PCDHGB4: variants seen among roughly 807,000 people sequenced by gnomAD.
PCDHGB4 encodes protocadherin gamma subfamily B, 4.
PCDHGB4 carries 38 observed loss-of-function variants against 60.5 expected under a neutral mutation model. That is an observed-to-expected ratio of 0.63 (90% confidence interval 0.48 to 0.82). PCDHGB4 has a LOEUF of 0.82. Among genes scored for constraint, PCDHGB4 ranks in the 40% least tolerant of loss-of-function variants. The pLI is 0.00. For synonymous variants in PCDHGB4, 456 were observed against 509.7 expected (o/e 0.89, Z 1.42); for missense variants, 1,109 against 1,209.6 (o/e 0.92, Z 1.23).
intron 1 of PCDHGB4, among the ~76,000 whole-genome samples, chr5:141,460,445 G>A (rs896549154): frequency 7.2e-5 from 11 of 152,144 alleles, no homozygotes; most frequent in Admixed American, 5.9e-4. Flanking sequence ...AGGTAACAAT[G>A]AAGATTCATA....
At chr5:141,508,823 G>A (rs1445894402) in intron 3 of PCDHGB4, among the ~76,000 whole-genome samples, 1 of 151,966 alleles carries the variant, frequency 6.6e-6, no homozygotes, top group Admixed American at 6.6e-5. Flanking sequence ...GCCAGATCTG[G>A]GCCCCCCTCC....
At chr5:141,509,692 C>T (rs755446680) in intron 3 of PCDHGB4, among the ~76,000 whole-genome samples, 8 of 152,126 alleles carry the variant, frequency 5.3e-5, no homozygotes, top group Non-Finnish European at 1.0e-4. Context: ...TACAGTGGGA[C>T]GTTGGACTGG....
At chr5:141,429,599 A>G (rs2097227286) in intron 1 of PCDHGB4, among the ~76,000 whole-genome samples, 1 of 152,238 alleles carries the variant, frequency 6.6e-6, no homozygotes, top group Non-Finnish European at 1.5e-5. Flanking sequence ...TAATTCAAGT[A>G]AACTCAATTT....
chr5:141,435,934 T>A (rs1311888999), intron 1 of PCDHGB4, among the ~76,000 whole-genome samples: 2 of 152,160 alleles, frequency 1.3e-5, no homozygotes, highest in Non-Finnish European at 2.9e-5. Flanking sequence ...CAGTTGCTGC[T>A]TCTGAGACCA....
chr5:141,400,645 G>T, intron 1 of PCDHGB4: 1 of 1,239,756 alleles, frequency 8.1e-7, no homozygotes, highest in Non-Finnish European at 1.2e-6. Context: ...TGCTCAGAAA[G>T]CTGTCCTACC....
Position 141,418,262 on chromosome 5 carries a change from A to G in PCDHGB4, c.2397+27981A>G. On this transcript the variant is annotated intron_variant, in intron 1 of 3. Transcript: ENST00000519479. Reference sequence around the variant, plus strand: ...TAATGACCACGCCCCTCAATTCCGGAAAGATGAAATAAACTTAGAAATCAG... The same window carrying G: ...TAATGACCACGCCCCTCAATTCCGGGAAGATGAAATAAACTTAGAAATCAG... 2 of 1,614,068 alleles carry G rather than the reference A, an allele frequency of 1.2e-6. No homozygotes were observed. The highest frequency in any genetic ancestry group is 1.7e-6 in the Non-Finnish European group (2 of 1,179,902).
chr5:141,431,995 G>A lies in PCDHGB4; in HGVS notation c.2397+41714G>A. 6.2e-7 allele frequency: 1 copy of A among 1,614,048 alleles called. No individual in the cohort carries two copies. Among genetic ancestry groups the A allele is most frequent in the East Asian group, 2.2e-5 (1 of 44,898 alleles). The stretch of plus-strand genomic sequence containing the variant: ...TAGTCACAGACATAGTCTTGGATAG[G>A]GAACAGGTTCCTAGCTACAACATCA... On this transcript the variant is annotated intron_variant, in intron 1 of 3. Coordinates refer to ENST00000519479, the MANE Select transcript of PCDHGB4 (RefSeq NM_003736.4). This position sits in a 1 kb window ranked among gnomAD's most constrained non-coding sequence, Gnocchi z 4.8.
intron 2 of PCDHGB4, among the ~76,000 whole-genome samples, chr5:141,503,598 C>CA (rs765754054): frequency 0.15 from 9,705 of 65,252 alleles, 922 homozygotes; most frequent in African/African-American, 0.34. Context: ...GACTCCAGCT[C>CA]AAAAAAAAAA....
At chr5:141,443,090 C>T (rs1403922939) in intron 1 of PCDHGB4, among the ~76,000 whole-genome samples, 3 of 151,926 alleles carry the variant, frequency 2.0e-5, no homozygotes, top group Non-Finnish European at 2.9e-5. Context: ...TTCCAGTCTC[C>T]TTCTCAAGCT....
chr5:141,390,532 T>A, intron 1 of PCDHGB4: 1 of 531,632 alleles, frequency 1.9e-6, no homozygotes, highest in Non-Finnish European at 3.3e-6. Flanking sequence ...GGTGTGGTTT[T>A]AACCACAAAG....
At chr5:141,415,392 G>T in intron 1 of PCDHGB4, 1 of 1,614,238 alleles carries the variant, frequency 6.2e-7, no homozygotes, top group Non-Finnish European at 8.5e-7. Context: ...TGACAGGTGT[G>T]TCCGGCTCGC....
At position 141,486,426 on chromosome 5, in the gene PCDHGB4, A is replaced by T; in HGVS notation, c.2398-8381A>T. 6.2e-7 allele frequency: 1 copy of T among 1,614,190 alleles called. No homozygotes were observed. The highest frequency in any genetic ancestry group is 8.5e-7 in the Non-Finnish European group (1 of 1,180,026). ...GCTGGACCCTTGGATCGAGAGGCCA[A>T]ATCTAGCTATGACATCATGGTCACT... On this transcript the variant is annotated intron_variant, in intron 1 of 3. Coordinates refer to ENST00000519479, the MANE Select transcript of PCDHGB4 (RefSeq NM_003736.4). This position sits in a 1 kb window ranked among gnomAD's most constrained non-coding sequence, Gnocchi z 5.0.
intron 1 of PCDHGB4, chr5:141,423,426 G>A: frequency 6.2e-7 from 1 of 1,614,028 alleles, no homozygotes; most frequent in Non-Finnish European, 8.5e-7. Context: ...AAGGCGGGTT[G>A]GCAGGTATGC....
intron 1 of PCDHGB4, among the ~76,000 whole-genome samples, chr5:141,407,130 T>C (rs1218017139): frequency 1.3e-5 from 2 of 152,230 alleles, no homozygotes; most frequent in Non-Finnish European, 2.9e-5. Flanking sequence ...TTGCTTTATT[T>C]TTAAGAAAAA....
In PCDHGB4 at chr5:141,439,058, TGGCA is replaced by T. The variant is rs1241503235; in HGVS notation, c.2397+48781_2397+48784del. On this transcript the variant is annotated intron_variant, in intron 1 of 3. Transcript: ENST00000519479. ...CAGTTCATAAGATTTCCATATTGTG[TGGCA>T]GGCGCCTGTAATCCCAGCTACTCAG... 2.0e-5 allele frequency among the ~76,000 whole-genome samples: 3 copies of T among 151,580 alleles called. No individual in the cohort carries two copies. The East Asian group carries it at 5.9e-4, about 30-fold the overall frequency.
Position 141,444,232 on chromosome 5 carries a change from C to T in PCDHGB4, c.2398-50575C>T, listed in dbSNP as rs1411172798. Among the ~76,000 whole-genome samples the T allele has an allele frequency of 2.5e-5, 3 of 122,350 alleles. No individual in the cohort carries two copies. In the Admixed American group the frequency reaches 3.3e-4, roughly 14 times the overall value. The allele number at this position is 122,350 out of a possible 152,430, so 80.3% of individuals were successfully genotyped here. ...TGTTGCCCAGGCTGGAGTGCAATGG[C>T]ATGCTCTCGGCTCACTGCAACCTCC... is the stretch of plus-strand genomic sequence containing the variant. On this transcript the variant is annotated intron_variant, in intron 1 of 3. Coordinates refer to ENST00000519479, the MANE Select transcript of PCDHGB4 (RefSeq NM_003736.4).
intron 1 of PCDHGB4, among the ~76,000 whole-genome samples, chr5:141,406,157 C>A: frequency 6.6e-6 from 1 of 151,124 alleles, no homozygotes. Flanking sequence ...ACTGCAGTCT[C>A]AATCTCCTGG....
Position 141,431,581 on chromosome 5 carries a change from T to C in PCDHGB4, c.2397+41300T>C. The C allele has an allele frequency of 1.2e-6, 2 of 1,614,160 alleles. No individual in the cohort carries two copies. Among genetic ancestry groups the C allele is most frequent in the Non-Finnish European group, 1.7e-6 (2 of 1,180,022 alleles). ...CTACCGACCCTGACGAAGGAGTCAA[T>C]GCGGAAGTGAGGTATTCCTTCCGGT... On this transcript the variant is annotated intron_variant, in intron 1 of 3. Transcript: ENST00000519479. This position sits in a 1 kb window ranked among gnomAD's most constrained non-coding sequence, Gnocchi z 4.8.
chr5:141,414,822 C>G, intron 1 of PCDHGB4: 3 of 1,614,240 alleles, frequency 1.9e-6, no homozygotes, highest in Non-Finnish European at 2.5e-6. Flanking sequence ...TCAGCAGCAA[C>G]GTGTCGTTGA....
Sources: gnomAD v4.1 joint callset for allele counts (sites outside exome capture counted in the v4.1 genomes callset) on GRCh38, gnomAD v4.1.1 for gene constraint, Gnocchi (gnomAD v3.1) non-coding constraint, MANE v1.5 for transcripts, NCBI Gene and HGNC (gene_info 2026-07-23, HGNC 2026-07-21) for gene names.